Variants in NCOA1 observed in about 807,000 individuals in gnomAD.
The protein encoded by NCOA1 is Hin-2 protein.
Under a neutral mutation model 150.9 loss-of-function variants are expected in NCOA1, and 35 were observed. That is an observed-to-expected ratio of 0.23 (90% CI 0.18 to 0.31). The LOEUF is 0.31. NCOA1 is among the 10% of genes least tolerant of loss of function. NCOA1 has a pLI of 1.00. For synonymous variants in NCOA1, 590 were observed against 630.0 expected (o/e 0.94, Z 0.95); for missense variants, 1,491 against 1,749.3 (o/e 0.85, Z 2.63).
rs900086063 is a variant in NCOA1, at chr2:24,741,469, A to C, written c.3304-315A>C. 2.6e-5 allele frequency among the ~76,000 whole-genome samples: 4 copies of C among 152,152 alleles called. No homozygotes were observed. The East Asian group carries it at 7.7e-4, about 29-fold the overall frequency. On this transcript the variant is annotated intron_variant, in intron 18 of 22. Coordinates refer to ENST00000348332, the MANE Select transcript of NCOA1 (RefSeq NM_003743.5). ...GTTCATGGCCAATATTATAATACTA[A>C]TCAATACATACTTTCTTTGAATTTT...
chr2:24,501,859 T>C (rs1159214149), intron 1 of NCOA1, among the ~76,000 whole-genome samples: 1 of 152,168 alleles, frequency 6.6e-6, no homozygotes, highest in African/African-American at 2.4e-5. Context: ...AGGATCTCTG[T>C]TTTTGTGGAC....
At chr2:24,665,589 T>C (rs1558885667) in intron 5 of NCOA1, among the ~76,000 whole-genome samples, 160 bp from the exon 6 acceptor site, 1 of 152,244 alleles carries the variant, frequency 6.6e-6, no homozygotes, top group Admixed American at 6.5e-5. Context: ...TATTTTGTAA[T>C]GTCCACTTTT....
chr2:24,766,581 T>C (rs1006830815), intron 22 of NCOA1, among the ~76,000 whole-genome samples: 1 of 143,632 alleles, frequency 7.0e-6, no homozygotes, highest in Non-Finnish European at 1.5e-5. Context: ...AGGGGAGTAG[T>C]AGGGAACTGG....
chr2:24,707,544 C>T lies in NCOA1; in HGVS notation c.2074C>T (p.Arg692Trp). 4 of 1,614,108 alleles carry T rather than the reference C, an allele frequency of 2.5e-6. No homozygotes were observed. The highest frequency in any genetic ancestry group is 3.4e-6 in the Non-Finnish European group (4 of 1,180,030). The change falls in exon 13 of 23, where the codon CGG (arginine) becomes TGG (tryptophan). Residue 692 changes from arginine (R) to tryptophan (W), a missense_variant. By Grantham distance (101) the Arg-to-Trp change is moderately radical (BLOSUM62 -3). Coordinates refer to ENST00000348332, the MANE Select transcript of NCOA1 (RefSeq NM_003743.5). ...SLTERHKILH[R>W]LLQEGSPSDI... The stretch of plus-strand genomic sequence containing the variant: ...GACAGAACGGCATAAAATTCTACAC[C>T]GGCTCTTACAGGAGGGTAGCCCCTC...
intron 17 of NCOA1, among the ~76,000 whole-genome samples, chr2:24,730,871 CAAAAAAAAAAA>C (rs35975198): frequency 1.6e-5 from 1 of 61,904 alleles, no homozygotes; most frequent in Non-Finnish European, 2.8e-5. Flanking sequence ...ACTAAAAGTA[CAAAAAAAAAAA>C]AAAAAAAAAA....
At chr2:24,549,864 C>T (rs1665755999) in intron 1 of NCOA1, among the ~76,000 whole-genome samples, 1 of 152,204 alleles carries the variant, frequency 6.6e-6, no homozygotes, top group Non-Finnish European at 1.5e-5. Context: ...GCCACCGCAC[C>T]CAGCCTCTAT....
intron 6 of NCOA1, among the ~76,000 whole-genome samples, chr2:24,667,801 C>G (rs1671499969): frequency 6.6e-6 from 1 of 152,114 alleles, no homozygotes. Context: ...TATCCACATG[C>G]TTTATTCACC....
intron 11 of NCOA1, among the ~76,000 whole-genome samples, chr2:24,701,439 G>A (rs1005257737): frequency 3.3e-5 from 5 of 149,614 alleles, no homozygotes; most frequent in Non-Finnish European, 7.4e-5. Context: ...CCCAGGAAGT[G>A]AAGACTTCAG....
intron 2 of NCOA1, among the ~76,000 whole-genome samples, chr2:24,567,107 T>G (rs185693791): frequency 2.2e-4 from 34 of 152,362 alleles, no homozygotes; most frequent in African/African-American, 8.2e-4. Flanking sequence ...CTGCCTCAGC[T>G]ACAATAAATG....
chr2:24,710,986 C>T lies in NCOA1; in HGVS notation c.2474C>T (p.Ala825Val). Residue 825 changes from alanine to valine, a missense_variant, in exon 14 of 23, where the codon GCA becomes GTA. By Grantham distance (64) the Ala-to-Val change is moderately conservative. Transcript: ENST00000348332. ...TTACTGCCCACGCTGGAGAAGGCAG[C>T]ACAGTTGCCAGGCTTATGTGAGACA... ...DQLLPTLEKAAQLPGLCETDR... is the reference protein window; with the variant it reads ...DQLLPTLEKAVQLPGLCETDR... 6.2e-7 allele frequency: 1 copy of T among 1,614,180 alleles called. No individual in the cohort carries two copies. The highest frequency in any genetic ancestry group is 1.3e-5 in the African/African-American group (1 of 75,048).
intron 3 of NCOA1, among the ~76,000 whole-genome samples, chr2:24,608,222 C>A (rs1668455670): frequency 6.8e-6 from 1 of 147,786 alleles, no homozygotes; most frequent in Non-Finnish European, 1.5e-5. Context: ...TATTGAATTC[C>A]CATATACTCC....
At chr2:24,596,611 A>T (rs978855407) in intron 3 of NCOA1, among the ~76,000 whole-genome samples, 1 of 152,182 alleles carries the variant, frequency 6.6e-6, no homozygotes, top group Non-Finnish European at 1.5e-5. Context: ...TATGTTTCAC[A>T]TTGTAAACCT....
intron 14 of NCOA1, among the ~76,000 whole-genome samples, chr2:24,720,295 C>T (rs959335697): frequency 6.6e-6 from 1 of 152,096 alleles, no homozygotes; most frequent in Admixed American, 6.6e-5. Context: ...TTATTATGGG[C>T]CTCTTGGTTC....
At chr2:24,624,795 A>C (rs949297002) in intron 3 of NCOA1, among the ~76,000 whole-genome samples, 1 of 152,238 alleles carries the variant, frequency 6.6e-6, no homozygotes, top group Non-Finnish European at 1.5e-5. Context: ...CAGTTCTTAT[A>C]AGTGGATTTT....
intron 1 of NCOA1, among the ~76,000 whole-genome samples, chr2:24,554,899 C>G (rs148282878): frequency 6.6e-6 from 1 of 152,276 alleles, no homozygotes; most frequent in Non-Finnish European, 1.5e-5. Context: ...TCTCTACTTA[C>G]CGTTTTGATG....
intron 14 of NCOA1, among the ~76,000 whole-genome samples, chr2:24,720,046 A>G (rs1383017255): frequency 2.0e-5 from 3 of 152,238 alleles, no homozygotes; most frequent in Non-Finnish European, 4.4e-5. Context: ...GATCTCTGTT[A>G]GGGAATTGGG....
intron 3 of NCOA1, among the ~76,000 whole-genome samples, chr2:24,593,250 T>C (rs1667734397): frequency 1.3e-5 from 2 of 152,048 alleles, no homozygotes; most frequent in South Asian, 4.2e-4. Context: ...ATTAAACTCT[T>C]TACAGAAAAG....
chr2:24,607,972 T>C (rs1295151486), intron 3 of NCOA1, among the ~76,000 whole-genome samples: 1 of 152,052 alleles, frequency 6.6e-6, no homozygotes, highest in Non-Finnish European at 1.5e-5. Context: ...GACAATCTTA[T>C]ACCAAGAACA....
chr2:24,636,000 T>TTGGG (rs1415478494), intron 3 of NCOA1, among the ~76,000 whole-genome samples: 1 of 152,180 alleles, frequency 6.6e-6, no homozygotes, highest in Non-Finnish European at 1.5e-5. Flanking sequence ...GAATTTACCA[T>TTGGG]TGGGGAAATC....
Sources: allele counts gnomAD v4.1 joint callset (sites outside exome capture counted in the v4.1 genomes callset), GRCh38; gene constraint gnomAD v4.1.1; transcripts MANE v1.5; gene names NCBI Gene and HGNC (gene_info 2026-07-23, HGNC 2026-07-21).